Variants in SRCIN1 observed in about 807,000 individuals in gnomAD.
SRCIN1 encodes the protein SRC kinase signaling inhibitor 1, also known as P130Cas-associated protein.
Under a neutral mutation model 116.2 loss-of-function variants are expected in SRCIN1, and 50 were observed. That is an observed-to-expected ratio of 0.43 (90% CI 0.34 to 0.54). The LOEUF is 0.54. Among genes scored for constraint, SRCIN1 ranks in the 20% least tolerant of loss-of-function variants. SRCIN1 has a pLI of 0.02. For missense variants in SRCIN1, 1,446 were observed against 1,672.0 expected (o/e 0.86, Z 2.36); for synonymous variants, 736 against 750.0 (o/e 0.98, Z 0.30).
At chr17:38,578,873 A>G in intron 1 of SRCIN1, 82 bp from the exon 2 acceptor site, 1 of 1,410,048 alleles carries the variant, frequency 7.1e-7, no homozygotes, top group Non-Finnish European at 9.3e-7. Flanking sequence ...TCCCTGCGGG[A>G]AGGGGCGGGG....
chr17:38,544,698 C>T lies in SRCIN1; in HGVS notation c.3271-729G>A, dbSNP rs1021726898. The T allele has an allele frequency of 6.6e-6, 1 of 152,216 alleles. No individual in the cohort carries two copies. Among genetic ancestry groups the T allele is most frequent in the African/African-American group, 2.4e-5 (1 of 41,426 alleles). The allele number at this position is 152,216 out of a possible 1,614,324, so 9.4% of individuals were successfully genotyped here. On this transcript the variant is annotated intron_variant, in intron 17 of 18. Transcript: ENST00000617146. The surrounding 1 kb of genome is among the most constrained non-coding windows in gnomAD (Gnocchi z 4.5). The stretch of plus-strand genomic sequence containing the variant: ...CTGGGTAGGCCGGCTTCCCAGCCTC[C>T]CCCGGACTCTGCCTGCAAACCCTGC...
Position 38,558,419 on chromosome 17 carries a change from C to T in SRCIN1, c.2026-17G>A, listed in dbSNP as rs1905957324. 1.3e-6 allele frequency: 2 copies of T among 1,576,114 alleles called. No individual in the cohort carries two copies. Among genetic ancestry groups the T allele is most frequent in the East Asian group, 4.7e-5 (2 of 42,954 alleles). On this transcript the variant is annotated splice_polypyrimidine_tract_variant and intron_variant, in intron 10 of 18. Transcript: ENST00000617146. This position sits in a 1 kb window ranked among gnomAD's most constrained non-coding sequence, Gnocchi z 4.6. The stretch of plus-strand genomic sequence containing the variant: ...GTTCTGTAGCTGCGGGACGCACGGA[C>T]GGATGGACCCGGGTGGGGGGAGCGG...
rs769081646 is a variant in SRCIN1, at chr17:38,559,680, C to A, written c.1930G>T (p.Ala644Ser). 1.3e-6 allele frequency: 2 copies of A among 1,594,956 alleles called. No individual in the cohort carries two copies. Among genetic ancestry groups the A allele is most frequent in the Admixed American group, 1.7e-5 (1 of 59,436 alleles). ...AGCTGCATCTGCAGCCGGCTAACGG[C>A]GGTAGGCTGACCTGCGGGGGTGCTG... The part of the protein sequence containing the change: ...ASSTPAGQPT[A>S]VSRLQMQLHL... The change falls in exon 10 of 19, where the codon GCC becomes TCC. Residue 644 changes from alanine (A) to serine (S), a missense_variant. By Grantham distance (99) the Ala-to-Ser change is moderately conservative. Transcript: ENST00000617146.
At chr17:38,573,915 G>T (rs554545899) in intron 2 of SRCIN1, among the ~76,000 whole-genome samples, 1 of 152,362 alleles carries the variant, frequency 6.6e-6, no homozygotes, top group African/African-American at 2.4e-5. Context: ...CCCTGTGAGT[G>T]ATGACAAGCA....
chr17:38,578,771 G>C lies in SRCIN1; in HGVS notation c.43C>G (p.Pro15Ala), dbSNP rs984607635. Residue 15 changes from proline to alanine, a missense_variant, in exon 2 of 19, where the codon CCC (proline) becomes GCC (alanine). This residue lies in a region of SRCIN1 where 246 missense variants were observed against 265.1 expected (regional missense o/e 0.93). Coordinates refer to ENST00000617146, the MANE Select transcript of SRCIN1 (RefSeq NM_025248.3). ...TCCGCATCGTCCGCAGACAGCATGG[G>C]GGGGCTGCTCCGCTCCGGATCTGCG... Reference protein sequence around the residue: ...PSQDPERSSPPMLSADDAEYP... With the variant: ...PSQDPERSSPAMLSADDAEYP... The C allele has an allele frequency of 5.3e-6, 8 of 1,513,384 alleles. No individual in the cohort carries two copies. Among genetic ancestry groups the C allele is most frequent in the East Asian group, 2.5e-5 (1 of 40,420 alleles). The allele number at this position is 1,513,384 out of a possible 1,614,324, so 93.7% of individuals were successfully genotyped here. A position where few individuals can be genotyped will look rare whatever the true frequency, so the allele number is the denominator to read the frequency against.
intron 1 of SRCIN1, among the ~76,000 whole-genome samples, chr17:38,586,010 A>G (rs999809489): frequency 2.6e-5 from 4 of 152,078 alleles, no homozygotes; most frequent in African/African-American, 9.7e-5. Context: ...ACTTCAGGAG[A>G]GTCTGCCTGG....
chr17:38,554,951 C>T (rs190279135), intron 11 of SRCIN1, among the ~76,000 whole-genome samples: 9 of 152,328 alleles, frequency 5.9e-5, no homozygotes, highest in Admixed American at 3.3e-4. Context: ...CTTATCAGCA[C>T]GCCTTACACA....
intron 1 of SRCIN1, among the ~76,000 whole-genome samples, chr17:38,591,180 G>C (rs536151762): frequency 7.2e-5 from 11 of 152,316 alleles, no homozygotes; most frequent in African/African-American, 2.4e-4. Flanking sequence ...AGGAGCTCCA[G>C]CCAGTCAGGT....
intron 1 of SRCIN1, among the ~76,000 whole-genome samples, chr17:38,579,838 G>A (rs150696277): frequency 1.3e-5 from 2 of 152,160 alleles, no homozygotes; most frequent in East Asian, 3.9e-4. Flanking sequence ...CAGAGGTCAC[G>A]CATGCCCCTG....
chr17:38,540,977 C>T (rs1904699832), intron 18 of SRCIN1, among the ~76,000 whole-genome samples: 1 of 152,134 alleles, frequency 6.6e-6, no homozygotes. Flanking sequence ...CGGTGGCTCA[C>T]ACCTGTAATC....
At chr17:38,533,557 G>T in intron 18 of SRCIN1, 126 bp from the exon 19 acceptor site, 1 of 483,608 alleles carries the variant, frequency 2.1e-6, no homozygotes, top group Non-Finnish European at 3.0e-6. Context: ...AAAGGAAGAA[G>T]CCAGAGGGGC....
intron 1 of SRCIN1, among the ~76,000 whole-genome samples, chr17:38,595,746 C>T (rs547351714): frequency 1.3e-5 from 2 of 152,286 alleles, no homozygotes; most frequent in African/African-American, 4.8e-5. Flanking sequence ...AGAGGATTCC[C>T]GCCTCTTCTC....
chr17:38,557,631 C>T (rs2143147302), intron 11 of SRCIN1, among the ~76,000 whole-genome samples: 1 of 152,380 alleles, frequency 6.6e-6, no homozygotes, highest in Non-Finnish European at 1.5e-5. Flanking sequence ...GATCAGAAGA[C>T]TGTCTTCTGT....
At position 38,568,650 on chromosome 17, in the gene SRCIN1, C is replaced by T. The variant is rs1284973288; in HGVS notation, c.325-419G>A. Among the ~76,000 whole-genome samples, 1 of 151,984 alleles carries T rather than the reference C, an allele frequency of 6.6e-6. No individual in the cohort carries two copies. Among genetic ancestry groups the T allele is most frequent in the Admixed American group, 6.5e-5 (1 of 15,268 alleles). On this transcript the variant is annotated intron_variant, in intron 2 of 18. Coordinates refer to ENST00000617146, the MANE Select transcript of SRCIN1 (RefSeq NM_025248.3). This position sits in a 1 kb window ranked among gnomAD's most constrained non-coding sequence, Gnocchi z 4.5. ...AGCAGCTGGAGACTGGAAGGAGAGG[C>T]CTGCTGGGCAGAGGGGAAGTGCCCA... is the stretch of plus-strand genomic sequence containing the variant.
chr17:38,536,613 A>G (rs543992079), intron 18 of SRCIN1, among the ~76,000 whole-genome samples: 29 of 152,264 alleles, frequency 1.9e-4, no homozygotes, highest in Non-Finnish European at 3.4e-4. Context: ...TCGACTCTAC[A>G]GACCCCGCTG....
rs572424152 is a variant in SRCIN1 at position 38,604,499 on chromosome 17, G to A, written c.22+1185C>T. 33 of 454,592 alleles carry A rather than the reference G, an allele frequency of 7.3e-5. No homozygotes were observed. In the East Asian group the frequency reaches 2.1e-3, roughly 29 times the overall value. The allele number at this position is 454,592 out of a possible 1,614,324, so 28.2% of individuals were successfully genotyped here. A position where few individuals can be genotyped will look rare whatever the true frequency, so the allele number is the denominator to read the frequency against. On this transcript the variant is annotated intron_variant, in intron 1 of 18. Transcript: ENST00000617146. The surrounding 1 kb of genome is among the most constrained non-coding windows in gnomAD (Gnocchi z 4.3). ...CTCACCTGGCTCCCCTCGGCCCCCA[G>A]GGTCCCTCGGTCCAGCCTCCTCCCT...
At chr17:38,564,754 T>TGGGGGG (rs1395233804) in intron 3 of SRCIN1, among the ~76,000 whole-genome samples, 1 of 7,452 alleles carries the variant, frequency 1.3e-4, no homozygotes, top group African/African-American at 5.6e-4. Context: ...AGGGTGGGGG[T>TGGGGGG]GGGGGTGGGG....
chr17:38,598,011 A>G (rs1908812182), intron 1 of SRCIN1, among the ~76,000 whole-genome samples: 1 of 151,908 alleles, frequency 6.6e-6, no homozygotes, highest in Non-Finnish European at 1.5e-5. Flanking sequence ...CTTCCAGGAG[A>G]GAGGAAGCTC....
chr17:38,581,087 G>A (rs1221864318), intron 1 of SRCIN1, among the ~76,000 whole-genome samples: 1 of 152,010 alleles, frequency 6.6e-6, no homozygotes, highest in Non-Finnish European at 1.5e-5. Flanking sequence ...CTCCCACTTT[G>A]GCCTCCCAAA....
Sources: allele counts gnomAD v4.1 joint callset (sites outside exome capture counted in the v4.1 genomes callset), GRCh38; gene constraint gnomAD v4.1.1; regional missense constraint gnomAD v4.1.1; non-coding constraint Gnocchi (gnomAD v3.1); transcripts MANE v1.5; gene names NCBI Gene and HGNC (gene_info 2026-07-23, HGNC 2026-07-21).